VPS13D: variants seen among roughly 807,000 people sequenced by gnomAD.
The protein encoded by VPS13D is vacuolar protein sorting 13 homolog D, also known as intermembrane lipid transfer protein VPS13D.
A neutral mutation model predicts 461.9 loss-of-function variants in VPS13D; 187 were observed. That is an observed-to-expected ratio of 0.40 (90% CI 0.36 to 0.46). VPS13D has a LOEUF of 0.46. VPS13D is among the 20% of genes least tolerant of loss of function. The pLI is 0.60. For synonymous variants in VPS13D, 1,951 were observed against 1,986.3 expected, an observed-to-expected ratio of 0.98 and a Z score of 0.47; for missense variants, 4,711 against 5,364.9, an observed-to-expected ratio of 0.88 and a Z score of 3.81.
chr1:12,390,708 G>A (rs1356266640), intron 60 of VPS13D, among the ~76,000 whole-genome samples: 2 of 152,136 alleles, frequency 1.3e-5, no homozygotes, highest in African/African-American at 4.8e-5. Context: ...GTGCCATATC[G>A]AGGGCTCAGT....
At chr1:12,342,253 C>T (rs549849070) in intron 41 of VPS13D, among the ~76,000 whole-genome samples, 1 of 152,150 alleles carries the variant, frequency 6.6e-6, no homozygotes, top group Non-Finnish European at 1.5e-5. Flanking sequence ...CATTTTATTC[C>T]AAGATTGCTT....
At chr1:12,327,275 C>T (rs1643214117) in intron 35 of VPS13D, among the ~76,000 whole-genome samples, 1 of 152,180 alleles carries the variant, frequency 6.6e-6, no homozygotes, top group South Asian at 2.1e-4. Context: ...GACTTAGGTA[C>T]CAAGTGGCGC....
chr1:12,371,275 T>A (rs1220718641), intron 54 of VPS13D, among the ~76,000 whole-genome samples: 2 of 152,210 alleles, frequency 1.3e-5, no homozygotes, highest in Non-Finnish European at 2.9e-5. Flanking sequence ...GGTTGACCTA[T>A]TCTGGACATT....
chr1:12,396,684 G>A (rs541937238), intron 60 of VPS13D, among the ~76,000 whole-genome samples: 23 of 152,218 alleles, frequency 1.5e-4, no homozygotes, highest in African/African-American at 5.3e-4. Context: ...CATGTCATGC[G>A]ATTCCATCCA....
rs1409787900 is a variant in VPS13D, at chr1:12,502,121, G to A, written c.12794+4490G>A. ...TAGGTGGGAGTGAGATTGTGAGGAA[G>A]AGGATCCCACTCAAAATTCGTCATG... is the stretch of plus-strand genomic sequence containing the variant. On this transcript the variant is annotated intron_variant, in intron 68 of 69. Coordinates refer to ENST00000620676, the MANE Select transcript of VPS13D (RefSeq NM_015378.4). This position sits in a 1 kb window ranked among gnomAD's most constrained non-coding sequence, Gnocchi z 4.3. Among the ~76,000 whole-genome samples the A allele has an allele frequency of 1.3e-5, 2 of 152,220 alleles. No individual in the cohort carries two copies. The highest frequency in any genetic ancestry group is 2.9e-5 in the Non-Finnish European group (2 of 68,036).
intron 67 of VPS13D, among the ~76,000 whole-genome samples, chr1:12,491,005 A>C (rs1645873612): frequency 6.6e-6 from 1 of 152,220 alleles, no homozygotes. Flanking sequence ...AGAAATGACA[A>C]ATGTTTGATT....
chr1:12,405,592 A>G (rs1286481275), intron 63 of VPS13D, among the ~76,000 whole-genome samples: 1 of 152,146 alleles, frequency 6.6e-6, no homozygotes, highest in Non-Finnish European at 1.5e-5. Context: ...CCCTTCACTC[A>G]CTGCCCTGTC....
chr1:12,269,923 G>T (rs1354317209), intron 16 of VPS13D, among the ~76,000 whole-genome samples: 1 of 152,138 alleles, frequency 6.6e-6, no homozygotes, highest in Admixed American at 6.5e-5. Context: ...GAGGCTGGGG[G>T]ATTGCTTGAG....
intron 5 of VPS13D, among the ~76,000 whole-genome samples, chr1:12,248,063 G>A (rs1180093576): frequency 2.0e-5 from 3 of 151,542 alleles, no homozygotes; most frequent in Non-Finnish European, 4.4e-5. Flanking sequence ...AATTTTTTGT[G>A]TTTTTAATAG....
At chr1:12,342,688 C>T in intron 41 of VPS13D, 2 of 463,990 alleles carry the variant, frequency 4.3e-6, no homozygotes, top group Non-Finnish European at 7.6e-6. Flanking sequence ...TGACAGCTTT[C>T]AGCTGTTTCT....
chr1:12,483,139 A>G (rs774275856), intron 67 of VPS13D, among the ~76,000 whole-genome samples: 39 of 152,168 alleles, frequency 2.6e-4, no homozygotes, highest in Non-Finnish European at 5.3e-4. Flanking sequence ...GAGTTGAAAC[A>G]ATTTGTACTC....
chr1:12,500,127 C>T, intron 68 of VPS13D: 1 of 985,204 alleles, frequency 1.0e-6, no homozygotes, highest in Non-Finnish European at 1.2e-6. Flanking sequence ...TCCCCAGTGC[C>T]TTGGTGACTT....
intron 65 of VPS13D, among the ~76,000 whole-genome samples, chr1:12,447,829 C>G (rs1407176183): frequency 6.6e-6 from 1 of 152,146 alleles, no homozygotes; most frequent in Non-Finnish European, 1.5e-5. Flanking sequence ...TCTTGAGCTT[C>G]TTTTCTGTTG....
At chr1:12,335,327 G>A (rs1339463226) in intron 38 of VPS13D, among the ~76,000 whole-genome samples, 2 of 152,136 alleles carry the variant, frequency 1.3e-5, no homozygotes, top group Non-Finnish European at 2.9e-5. Context: ...TGAGCCTCCC[G>A]AAGTGCTGAG....
chr1:12,487,180 C>T (rs574262148), intron 67 of VPS13D, among the ~76,000 whole-genome samples: 39 of 152,276 alleles, frequency 2.6e-4, no homozygotes, highest in African/African-American at 7.0e-4. Context: ...TCTTAATTTC[C>T]GTGTCCCTAG....
intron 65 of VPS13D, among the ~76,000 whole-genome samples, chr1:12,437,843 C>T (rs193206099): frequency 1.4e-3 from 212 of 152,262 alleles, no homozygotes; most frequent in African/African-American, 4.6e-3. Context: ...GTTTTCCCTG[C>T]GCTCAAAAAT....
intron 13 of VPS13D, among the ~76,000 whole-genome samples, chr1:12,262,878 A>G (rs1009036592): frequency 3.3e-5 from 5 of 151,600 alleles, no homozygotes; most frequent in Admixed American, 6.6e-5. Context: ...TAATTTTTGT[A>G]TTTTTAGTGG....
At chr1:12,498,801 CAGAG>C (rs964229534) in intron 68 of VPS13D, among the ~76,000 whole-genome samples, 3 of 152,092 alleles carry the variant, frequency 2.0e-5, no homozygotes, top group Non-Finnish European at 4.4e-5. Flanking sequence ...CCCCACATTG[CAGAG>C]AGAGAGGGGG....
intron 62 of VPS13D, chr1:12,402,441 G>T (rs1644593683): frequency 6.6e-6 from 1 of 152,204 alleles, no homozygotes; most frequent in Non-Finnish European, 1.5e-5. Flanking sequence ...CTGAAGAAAT[G>T]ATAAGAAAGA....
Sources: gnomAD v4.1 joint callset for allele counts (sites outside exome capture counted in the v4.1 genomes callset) on GRCh38, gnomAD v4.1.1 for gene constraint, Gnocchi (gnomAD v3.1) non-coding constraint, MANE v1.5 for transcripts, NCBI Gene and HGNC (gene_info 2026-07-23, HGNC 2026-07-21) for gene names.